The following KCNK2 variants were observed in gnomAD, a reference collection of about 807,000 sequenced individuals.
The protein encoded by KCNK2 is potassium channel subfamily K member 2.
A neutral mutation model predicts 40.5 loss-of-function variants in KCNK2; 21 were observed. The ratio of observed to expected loss-of-function variants is 0.52; its 90% CI spans 0.37 to 0.75. KCNK2 has a LOEUF of 0.75. Among genes scored for constraint, KCNK2 ranks in the 30% least tolerant of loss-of-function variants. The pLI is 0.00. For synonymous variants in KCNK2, 191 were observed against 202.2 expected (o/e 0.94, Z 0.47); for missense variants, 399 against 531.6 (o/e 0.75, Z 2.45).
At chr1:215,145,875 C>A (rs1331089146) in intron 3 of KCNK2, among the ~76,000 whole-genome samples, 1 of 152,038 alleles carries the variant, frequency 6.6e-6, no homozygotes, top group East Asian at 1.9e-4. Flanking sequence ...TTCCTTAATG[C>A]TACAGAATTA....
intron 3 of KCNK2, among the ~76,000 whole-genome samples, chr1:215,161,422 T>C (rs928612865): frequency 1.4e-5 from 2 of 146,170 alleles, no homozygotes; most frequent in African/African-American, 4.9e-5. Flanking sequence ...CTCTCTGTCT[T>C]TTTTTTTTTA....
chr1:215,213,728 C>T, intron 6 of KCNK2, among the ~76,000 whole-genome samples: 1 of 151,986 alleles, frequency 6.6e-6, no homozygotes, highest in East Asian at 1.9e-4. Flanking sequence ...ACAGTATTTC[C>T]TTAAAATACA....
At chr1:215,050,896 A>G (rs1251177865) in intron 1 of KCNK2, among the ~76,000 whole-genome samples, 2 of 152,104 alleles carry the variant, frequency 1.3e-5, no homozygotes, top group African/African-American at 4.8e-5. Context: ...TCATTACACT[A>G]TGGGGAACTG....
intron 1 of KCNK2, among the ~76,000 whole-genome samples, chr1:215,070,963 T>C (rs1443198247): frequency 1.3e-5 from 2 of 152,218 alleles, no homozygotes; most frequent in Non-Finnish European, 2.9e-5. Context: ...GCAAATTAAA[T>C]TAATCAAATC....
intron 1 of KCNK2, among the ~76,000 whole-genome samples, chr1:215,043,523 G>A (rs770426239): frequency 2.0e-5 from 3 of 152,312 alleles, no homozygotes; most frequent in South Asian, 2.1e-4. Context: ...AGAACATTAC[G>A]CTAAGTGAAA....
chr1:215,061,235 C>T (rs1349391316), intron 1 of KCNK2, among the ~76,000 whole-genome samples: 1 of 151,902 alleles, frequency 6.6e-6, no homozygotes, highest in Non-Finnish European at 1.5e-5. Context: ...TTGTCATTAC[C>T]ACCAAGTATC....
At chr1:215,030,360 C>G (rs1370789955) in intron 1 of KCNK2, among the ~76,000 whole-genome samples, 1 of 152,008 alleles carries the variant, frequency 6.6e-6, no homozygotes, top group Non-Finnish European at 1.5e-5. Context: ...TTGTCTTTCC[C>G]TTTTCTTGAT....
chr1:215,125,216 G>A (rs1055493715), intron 3 of KCNK2, among the ~76,000 whole-genome samples: 2 of 151,438 alleles, frequency 1.3e-5, no homozygotes, highest in African/African-American at 4.9e-5. Flanking sequence ...ATTACTTCAG[G>A]GCTTTTTTTT....
Position 215,072,339 on chromosome 1 carries a change from A to G in KCNK2, c.35-14029A>G, listed in dbSNP as rs942716870. 3.3e-5 allele frequency among the ~76,000 whole-genome samples: 5 copies of G among 152,354 alleles called. No homozygotes were observed. In the East Asian group the frequency reaches 9.6e-4, roughly 29 times the overall value. On this transcript the variant is annotated intron_variant, in intron 1 of 6. Coordinates refer to the KCNK2 transcript ENST00000391895. ...ACAATCATGGCTGAAGGTGAATGAG[A>G]AGCAAGTTATGTCTTAGATGGTGGC...
intron 2 of KCNK2, among the ~76,000 whole-genome samples, chr1:215,117,612 C>T (rs1005113079): frequency 6.6e-6 from 1 of 152,056 alleles, no homozygotes; most frequent in Non-Finnish European, 1.5e-5. Flanking sequence ...ACCAAATGCT[C>T]AGATATTGGC....
chr1:215,080,046 A>T (rs553641865), upstream of KCNK2, among the ~76,000 whole-genome samples: 1 of 152,296 alleles, frequency 6.6e-6, no homozygotes, highest in East Asian at 1.9e-4. Context: ...AATAATACAA[A>T]GGGGAATGTG....
intron 2 of KCNK2, among the ~76,000 whole-genome samples, chr1:215,090,343 G>A (rs1165706841): frequency 6.6e-6 from 1 of 151,984 alleles, no homozygotes; most frequent in East Asian, 1.9e-4. Context: ...TGGAAGAACT[G>A]TCATTCAAAT....
intron 1 of KCNK2, among the ~76,000 whole-genome samples, chr1:215,009,418 T>A (rs1571843094): frequency 6.6e-6 from 1 of 152,172 alleles, no homozygotes; most frequent in Admixed American, 6.5e-5. Flanking sequence ...TGCATAGATA[T>A]AGTGCCATTT....
rs564207038 is a variant in KCNK2, at chr1:215,122,740, CT to C, written c.358-1870del. On this transcript the variant is annotated intron_variant, in intron 2 of 6. Transcript: ENST00000444842. ...ATCAAATGCTTAAAACATTCATAATCTTTTTTTTTTTTTTTTTTTTTTTGAA... is the reference window on the plus strand; with the variant it reads ...ATCAAATGCTTAAAACATTCATAATCTTTTTTTTTTTTTTTTTTTTTTGAA... 7.3e-3 allele frequency among the ~76,000 whole-genome samples: 884 copies of C among 120,348 alleles called. 1 individual carries two copies. Among genetic ancestry groups the C allele is most frequent in the African/African-American group, 0.012 (387 of 31,208 alleles). The allele number at this position is 120,348 out of a possible 152,430, so 79.0% of individuals were successfully genotyped here. A position where few individuals can be genotyped will look rare whatever the true frequency, so the allele number is the denominator to read the frequency against.
intron 3 of KCNK2, among the ~76,000 whole-genome samples, chr1:215,150,630 A>G (rs1404204297): frequency 6.6e-6 from 1 of 152,094 alleles, no homozygotes; most frequent in African/African-American, 2.4e-5. Flanking sequence ...TCATGAATAA[A>G]TATTTTTCCA....
At chr1:215,209,303 TTATATATATG>T (rs1412934622) in intron 6 of KCNK2, among the ~76,000 whole-genome samples, 9 of 90,688 alleles carry the variant, frequency 9.9e-5, no homozygotes, top group African/African-American at 2.9e-4. Flanking sequence ...ATAATATATA[TTATATATATG>T]AAATATACAC....
chr1:215,163,875 T>C (rs1663320027), intron 3 of KCNK2, among the ~76,000 whole-genome samples: 1 of 151,792 alleles, frequency 6.6e-6, no homozygotes, highest in Non-Finnish European at 1.5e-5. Flanking sequence ...TTGGCCTGAA[T>C]TTTTTTTGGC....
chr1:215,006,997 CTATATA>C (rs199497700), intron 1 of KCNK2, among the ~76,000 whole-genome samples: 887 of 81,574 alleles, frequency 0.011, 47 homozygotes, highest in African/African-American at 0.052. Flanking sequence ...GACCAATTCA[CTATATA>C]TATATATATA....
chr1:215,063,340 G>A (rs1658424428), intron 1 of KCNK2, among the ~76,000 whole-genome samples: 1 of 152,306 alleles, frequency 6.6e-6, no homozygotes, highest in South Asian at 2.1e-4. Flanking sequence ...TCTGACCACA[G>A]CAAGGAGAAA....
Sources: gnomAD v4.1 joint callset for allele counts (sites outside exome capture counted in the v4.1 genomes callset) on GRCh38, gnomAD v4.1.1 for gene constraint, MANE v1.5 for transcripts, NCBI Gene and HGNC (gene_info 2026-07-23, HGNC 2026-07-21) for gene names.